HK1: variants seen among roughly 807,000 people sequenced by gnomAD.
HK1 encodes hexokinase-1.
Under a neutral mutation model 91.6 loss-of-function variants are expected in HK1, and 28 were observed. The observed-to-expected ratio is 0.31, with a 90% CI of 0.23 to 0.42. The LOEUF (loss-of-function observed/expected upper bound fraction) is 0.42. HK1 is among the 10% of genes least tolerant of loss of function. The pLI is 1.00. For missense variants in HK1, 770 were observed against 1,219.8 expected (o/e 0.63, Z 5.49); for synonymous variants, 430 against 468.1 (o/e 0.92, Z 1.05).
chr10:69,384,884 C>T lies in HK1; in HGVS notation c.1808C>T (p.Ser603Leu). 1.2e-6 allele frequency: 2 copies of T among 1,614,226 alleles called. No homozygotes were observed. The highest frequency in any genetic ancestry group is 1.1e-5 in the South Asian group (1 of 91,086). Reference sequence around the variant, plus strand: ...AGGATGCCTCTGGGCTTCACGTTCTCATTTCCCTGCCAGCAGACGAGTCTG... The same window carrying T: ...AGGATGCCTCTGGGCTTCACGTTCTTATTTCCCTGCCAGCAGACGAGTCTG... The part of the protein sequence containing the change: ...GPRMPLGFTF[S>L]FPCQQTSLDA... Residue 603 changes from serine to leucine, a missense_variant, in exon 12 of 18, where the codon TCA (serine) becomes TTA (leucine). Ser to Leu is a moderately radical substitution (Grantham distance 145, BLOSUM62 -2). Around this residue, in one of 7 missense-constraint regions of HK1, gnomAD observed 152 missense variants for 211.1 expected, o/e 0.72. Transcript: ENST00000359426.
At chr10:69,291,056 T>A (rs1226941848) in intron 3 of HK1, among the ~76,000 whole-genome samples, 1 of 152,232 alleles carries the variant, frequency 6.6e-6, no homozygotes, top group Non-Finnish European at 1.5e-5. Flanking sequence ...CTTCTAAACC[T>A]GGAAGCTTGT....
At chr10:69,294,383 G>C (rs1186311414) in intron 3 of HK1, among the ~76,000 whole-genome samples, 1 of 152,170 alleles carries the variant, frequency 6.6e-6, no homozygotes, top group East Asian at 1.9e-4. Flanking sequence ...CTTTTCTCTT[G>C]ATTGGCAGCA....
chr10:69,270,931 A>G (rs561175336), intron 1 of HK1: 5 of 152,358 alleles, frequency 3.3e-5, no homozygotes, highest in Non-Finnish European at 1.5e-5. Flanking sequence ...AAATAAGCAC[A>G]TGAATTAATT....
At chr10:69,312,753 A>C (rs1437691919), upstream of HK1, among the ~76,000 whole-genome samples, 1 of 152,160 alleles carries the variant, frequency 6.6e-6, no homozygotes, top group East Asian at 1.9e-4. Context: ...TCTGCAATAG[A>C]GAATCAGATA....
In HK1 at chr10:69,318,971, C is replaced by G. The variant is rs772861437; in HGVS notation, c.24C>G (p.Ala8=). 1.2e-6 allele frequency: 2 copies of G among 1,602,076 alleles called. No homozygotes were observed. The highest frequency in any genetic ancestry group is 1.7e-5 in the Admixed American group (1 of 59,128). Residue 8 remains alanine, a synonymous_variant, in exon 1 of 18, where the codon GCC becomes GCG. Coordinates refer to ENST00000359426, the MANE Select transcript of HK1 (RefSeq NM_000188.3). The part of the protein sequence containing the change: MIAAQLL[A]YYFTELKDDQ... Reference sequence around the variant, plus strand: ...GCATGATCGCCGCGCAGCTCCTGGCCTATTACTTCACGGAGCTGAAGGATG... The same window carrying G: ...GCATGATCGCCGCGCAGCTCCTGGCGTATTACTTCACGGAGCTGAAGGATG...
intron 1 of HK1, among the ~76,000 whole-genome samples, chr10:69,273,570 TCGAA>T (rs1465915410): frequency 6.6e-6 from 1 of 152,194 alleles, no homozygotes; most frequent in African/African-American, 2.4e-5. Flanking sequence ...CAGGCTGGTG[TCGAA>T]CTCCTGACCT....
At chr10:69,395,950 T>C (rs1399286027) in intron 16 of HK1, among the ~76,000 whole-genome samples, 2 of 152,146 alleles carry the variant, frequency 1.3e-5, no homozygotes, top group Admixed American at 1.3e-4. Context: ...ACTGTGTTCT[T>C]CTTAGAATGG....
Position 69,392,143 on chromosome 10 carries a change from G to C in HK1, c.2054G>C (p.Cys685Ser). The C allele has an allele frequency of 1.9e-6, 3 of 1,614,192 alleles. No homozygotes were observed. Among genetic ancestry groups the C allele is most frequent in the Non-Finnish European group, 2.5e-6 (3 of 1,180,044 alleles). ...GLIVGTGSNA[C>S]YMEEMKNVEM... Reference sequence around the variant, plus strand: ...GTTCCAGGGACCGGCAGCAATGCCTGCTACATGGAGGAGATGAAGAACGTG... The same window carrying C: ...GTTCCAGGGACCGGCAGCAATGCCTCCTACATGGAGGAGATGAAGAACGTG... Residue 685 changes from cysteine to serine, a missense_variant, in exon 15 of 18, where the codon TGC becomes TCC. Physicochemically the swap from Cys to Ser is moderately radical, Grantham distance 112. Transcript: ENST00000359426.
At chr10:69,324,317 G>A (rs957868102) in intron 1 of HK1, among the ~76,000 whole-genome samples, 15 of 152,302 alleles carry the variant, frequency 9.8e-5, no homozygotes, top group African/African-American at 2.9e-4. Context: ...CTGGCCGGGC[G>A]TGGTGGCTCA....
chr10:69,374,201 G>C (rs1487855697), intron 7 of HK1, among the ~76,000 whole-genome samples: 2 of 152,166 alleles, frequency 1.3e-5, no homozygotes, highest in East Asian at 3.8e-4. Flanking sequence ...CTTGGCCATG[G>C]GCCTCTGTCT....
At chr10:69,289,405 C>G (rs1845180956) in intron 3 of HK1, among the ~76,000 whole-genome samples, 1 of 150,210 alleles carries the variant, frequency 6.7e-6, no homozygotes, top group South Asian at 2.1e-4. Flanking sequence ...GAAGCCCCCT[C>G]TGGCTGAATT....
intron 1 of HK1, among the ~76,000 whole-genome samples, chr10:69,327,221 C>T (rs988320358): frequency 2.0e-5 from 3 of 151,982 alleles, no homozygotes; most frequent in Admixed American, 1.3e-4. Context: ...AAAATCCTGA[C>T]CTCAAGTGAT....
chr10:69,345,634 G>A (rs985578977), intron 2 of HK1, among the ~76,000 whole-genome samples: 1 of 152,088 alleles, frequency 6.6e-6, no homozygotes, highest in African/African-American at 2.4e-5. Flanking sequence ...CCTGATCCCT[G>A]CGAGGCACCT....
intron 1 of HK1, chr10:69,338,501 G>T (rs763389364): frequency 1.4e-5 from 18 of 1,288,906 alleles, no homozygotes; most frequent in Middle Eastern, 2.1e-4. Flanking sequence ...CTGATAGATG[G>T]TCCACAGACC....
At chr10:69,366,530 G>A (rs1849709306) in intron 4 of HK1, among the ~76,000 whole-genome samples, 1 of 152,022 alleles carries the variant, frequency 6.6e-6, no homozygotes, top group South Asian at 2.1e-4. Flanking sequence ...CTTATTAATG[G>A]CAGGCCTTGG....
At chr10:69,398,513 G>C in intron 16 of HK1, 82 bp from the exon 17 acceptor site, 1 of 968,294 alleles carries the variant, frequency 1.0e-6, no homozygotes, top group Non-Finnish European at 1.6e-6. Context: ...GATTGGGGGC[G>C]GGGGGCGTCC....
chr10:69,318,727 C>T, upstream of HK1: 1 of 811,276 alleles, frequency 1.2e-6, no homozygotes, highest in Non-Finnish European at 1.8e-6. Context: ...AACCAATGGG[C>T]GTGGAGGAGG....
At position 69,395,034 on chromosome 10, in the gene HK1, C is replaced by T. The variant is rs770824752; in HGVS notation, c.2304C>T (p.Phe768=). 3.0e-5 allele frequency: 49 copies of T among 1,613,926 alleles called. No homozygotes were observed. The highest frequency in any genetic ancestry group is 3.3e-4 in the Middle Eastern group (2 of 6,084). The part of the protein sequence containing the change: ...LIDFTKKGFL[F]RGQISETLKT... ...ACTTCACCAAGAAGGGATTCCTCTT[C>T]CGAGGGCAGATCTCTGAGACGCTGA... The change falls in exon 16 of 18, where the codon TTC becomes TTT. Residue 768 remains phenylalanine, a synonymous_variant. Transcript: ENST00000359426.
intron 1 of HK1, among the ~76,000 whole-genome samples, chr10:69,319,953 G>A (rs181707527): frequency 4.7e-4 from 71 of 152,310 alleles, no homozygotes; most frequent in African/African-American, 1.6e-3. Context: ...ACGTGGTGAC[G>A]TTATTGCTGG....
Sources: allele counts gnomAD v4.1 joint callset (sites outside exome capture counted in the v4.1 genomes callset), GRCh38; gene constraint gnomAD v4.1.1; regional missense constraint gnomAD v4.1.1; transcripts MANE v1.5; gene names NCBI Gene and HGNC (gene_info 2026-07-23, HGNC 2026-07-21).